Variants in NAV2 observed in about 807,000 individuals in gnomAD.
NAV2 encodes the protein helicase, APC down-regulated 1.
In NAV2, 54 loss-of-function variants were observed where a neutral mutation model predicts 223.2. The ratio of observed to expected loss-of-function variants is 0.24; its 90% CI spans 0.19 to 0.30. The LOEUF (loss-of-function observed/expected upper bound fraction) is 0.30, where lower values mean the gene tolerates loss of function less well. Among genes scored for constraint, NAV2 ranks in the 10% least tolerant of loss-of-function variants. The pLI, the probability that NAV2 is intolerant of heterozygous loss-of-function variation, is 1.00. For synonymous variants in NAV2, 1,279 were observed against 1,239.3 expected, an observed-to-expected ratio of 1.03 and a Z score of -0.67; for missense variants, 2,806 against 3,147.5, an observed-to-expected ratio of 0.89 and a Z score of 2.60.
intron 6 of NAV2, among the ~76,000 whole-genome samples, chr11:19,910,204 C>G (rs2043194337): frequency 6.6e-6 from 1 of 152,194 alleles, no homozygotes; most frequent in African/African-American, 2.4e-5. Context: ...ACATTTGAAC[C>G]AGAATCTGCA....
intron 1 of NAV2, among the ~76,000 whole-genome samples, chr11:19,632,577 G>T (rs751418857): frequency 2.6e-5 from 4 of 152,138 alleles, no homozygotes; most frequent in Non-Finnish European, 4.4e-5. Context: ...CTGTTTTGTG[G>T]TTTTCATTGT....
intron 1 of NAV2, among the ~76,000 whole-genome samples, chr11:19,802,432 T>C (rs2058325864): frequency 6.6e-6 from 1 of 152,196 alleles, no homozygotes; most frequent in Non-Finnish European, 1.5e-5. Flanking sequence ...AGCAACTTTA[T>C]GTGATTGCTG....
intron 10 of NAV2, among the ~76,000 whole-genome samples, chr11:19,967,463 T>C (rs1404324449): frequency 2.0e-5 from 3 of 152,034 alleles, no homozygotes; most frequent in African/African-American, 7.3e-5. Context: ...ATAGAAATGT[T>C]TGTAGAAAGT....
intron 6 of NAV2, among the ~76,000 whole-genome samples, chr11:19,908,299 G>A (rs1318391878): frequency 6.6e-6 from 1 of 152,160 alleles, no homozygotes; most frequent in Non-Finnish European, 1.5e-5. Context: ...GAGCTCTCAG[G>A]GCACTGGAAG....
chr11:19,778,738 G>A (rs1010516093), intron 1 of NAV2, among the ~76,000 whole-genome samples: 12 of 152,156 alleles, frequency 7.9e-5, no homozygotes, highest in Non-Finnish European at 1.3e-4. Context: ...ATTAGCAGAC[G>A]TTATGCACCT....
intron 10 of NAV2, among the ~76,000 whole-genome samples, chr11:19,958,018 C>A (rs1229438705): frequency 6.6e-6 from 1 of 152,210 alleles, no homozygotes; most frequent in Non-Finnish European, 1.5e-5. Flanking sequence ...GCCTCCCTCC[C>A]ACCCCTGCAT....
At chr11:19,492,712 G>C (rs1011872827) in intron 1 of NAV2, among the ~76,000 whole-genome samples, 5 of 151,888 alleles carry the variant, frequency 3.3e-5, no homozygotes, top group Admixed American at 2.6e-4. Flanking sequence ...AGATATAAAG[G>C]CTCTCCTTTA....
intron 29 of NAV2, among the ~76,000 whole-genome samples, chr11:20,094,221 A>AT (rs2061070471): frequency 9.5e-6 from 1 of 105,404 alleles, no homozygotes; most frequent in South Asian, 3.4e-4. Context: ...TCTTTTCTTT[A>AT]TCTTTTTTTT....
At chr11:19,675,864 T>C (rs760476255) in intron 1 of NAV2, among the ~76,000 whole-genome samples, 1 of 152,240 alleles carries the variant, frequency 6.6e-6, no homozygotes, top group Admixed American at 6.5e-5. Flanking sequence ...ATAATATCAA[T>C]CGCAAGAATG....
intron 1 of NAV2, among the ~76,000 whole-genome samples, chr11:19,574,044 C>G (rs1382679314): frequency 6.6e-6 from 1 of 152,202 alleles, no homozygotes; most frequent in Non-Finnish European, 1.5e-5. Context: ...GCCAAACCAG[C>G]CATCATGATA....
At chr11:19,955,940 C>T (rs957351304) in intron 10 of NAV2, among the ~76,000 whole-genome samples, 1 of 152,112 alleles carries the variant, frequency 6.6e-6, no homozygotes, top group African/African-American at 2.4e-5. Context: ...TGATTTATGG[C>T]AGGTTCCAGC....
intron 10 of NAV2, among the ~76,000 whole-genome samples, chr11:19,977,711 C>T (rs1325020571): frequency 6.6e-6 from 1 of 151,196 alleles, no homozygotes; most frequent in African/African-American, 2.4e-5. Flanking sequence ...TTTTTTTTTC[C>T]AGTCATATTT....
chr11:19,983,528 C>T (rs117178007), intron 10 of NAV2, among the ~76,000 whole-genome samples: 1 of 152,290 alleles, frequency 6.6e-6, no homozygotes, highest in Non-Finnish European at 1.5e-5. Flanking sequence ...TATTCCTTAT[C>T]TCACTAATTC....
At chr11:19,962,920 C>G (rs1279830317) in intron 10 of NAV2, among the ~76,000 whole-genome samples, 1 of 152,188 alleles carries the variant, frequency 6.6e-6, no homozygotes, top group Non-Finnish European at 1.5e-5. Context: ...ATCCCTTTCC[C>G]AGAGCTTTGT....
intron 1 of NAV2, among the ~76,000 whole-genome samples, chr11:19,483,725 T>C (rs887884288): frequency 3.9e-5 from 6 of 152,296 alleles, no homozygotes; most frequent in Non-Finnish European, 8.8e-5. Flanking sequence ...GCAGATGACA[T>C]AAACAGAAAC....
At chr11:19,627,849 A>G (rs192759721) in intron 1 of NAV2, among the ~76,000 whole-genome samples, 3 of 143,060 alleles carry the variant, frequency 2.1e-5, no homozygotes, top group African/African-American at 7.9e-5. Flanking sequence ...TCCGACATAT[A>G]CCTCTCCCTG....
intron 1 of NAV2, among the ~76,000 whole-genome samples, chr11:19,570,441 G>C (rs2045391944): frequency 6.6e-6 from 1 of 152,182 alleles, no homozygotes; most frequent in Admixed American, 6.5e-5. Context: ...GCAACAGCAG[G>C]TAAAATGGAT....
At chr11:19,927,095 G>A (rs188981597) in intron 6 of NAV2, among the ~76,000 whole-genome samples, 21 of 152,270 alleles carry the variant, frequency 1.4e-4, no homozygotes, top group Middle Eastern at 6.8e-3. Context: ...CCTCCCAACC[G>A]GAGGATTAAT....
chr11:19,544,081 C>A (rs1424723132), intron 1 of NAV2, among the ~76,000 whole-genome samples: 1 of 152,194 alleles, frequency 6.6e-6, no homozygotes, highest in Non-Finnish European at 1.5e-5. Flanking sequence ...TTGTGGTTCT[C>A]AATACTGTGC....
Sources: gnomAD v4.1 joint callset for allele counts (sites outside exome capture counted in the v4.1 genomes callset) on GRCh38, gnomAD v4.1.1 for gene constraint, MANE v1.5 for transcripts, NCBI Gene and HGNC (gene_info 2026-07-23, HGNC 2026-07-21) for gene names.